POLG: variants seen among roughly 807,000 people sequenced by gnomAD.
POLG encodes the protein DNA polymerase subunit gamma-1.
Under a neutral mutation model 155.4 loss-of-function variants are expected in POLG, and 110 were observed. That is an observed-to-expected ratio of 0.71 (90% CI 0.61 to 0.83). The LOEUF is 0.83. POLG is among the 40% of genes least tolerant of loss of function. The pLI is 0.00. For missense variants in POLG, 1,685 were observed against 1,627.5 expected (o/e 1.04, Z -0.61); for synonymous variants, 701 against 631.5 (o/e 1.11, Z -1.65).
rs1042766729 is a variant in POLG, at chr15:89,323,920, C to G, written c.2071-19G>C. 5.0e-6 allele frequency: 8 copies of G among 1,601,366 alleles called. No homozygotes were observed. The highest frequency in any genetic ancestry group is 5.1e-6 in the Non-Finnish European group (6 of 1,168,302). On this transcript the variant is annotated intron_variant, in intron 11 of 22. Transcript: ENST00000268124. ...CTTCTACCTGGAGCAGTCCAAGGAC[C>G]AAAGTAGTGAAGCAGGGGACTGGGT...
At chr15:89,317,944 A>T (rs1356705236) in intron 21 of POLG, 1 of 324,172 alleles carries the variant, frequency 3.1e-6, no homozygotes, top group East Asian at 8.5e-5. Flanking sequence ...TTTACCCAAT[A>T]ATCAGGATAG....
rs953223366 is a variant in POLG at position 89,319,430 on chromosome 15, A to G, written c.2982-80T>C. On this transcript the variant is annotated intron_variant, in intron 18 of 22. Transcript: ENST00000268124. ...GTGCCTTGGCAAGGAATGTTCACAT[A>G]TCACTTCAACTTTTAAAAACACTGA... 3.8e-6 allele frequency: 6 copies of G among 1,579,326 alleles called. No homozygotes were observed. In the African/African-American group the frequency reaches 6.7e-5, roughly 18 times the overall value.
rs749944293 is a variant in POLG, at chr15:89,318,613, A to G, written c.3410T>C (p.Val1137Ala). The G allele has an allele frequency of 6.2e-7, 1 of 1,614,178 alleles. No individual in the cohort carries two copies. The highest frequency in any genetic ancestry group is 8.5e-7 in the Non-Finnish European group (1 of 1,180,020). Residue 1137 changes from valine to alanine, a missense_variant, in exon 21 of 23, where the codon GTT becomes GCT. Around this residue, in one of 3 missense-constraint regions of POLG, gnomAD observed 470 missense variants for 439.9 expected, o/e 1.07. Coordinates refer to ENST00000268124, the MANE Select transcript of POLG (RefSeq NM_002693.3). ...GRFCISIHDE[V>A]RYLVREEDRY... ...GTCCTCCTCCCGCACCAGGTAGCGA[A>G]CCTCGTCATGGATGCTGATGCAGAA...
chr15:89,319,738 T>C (rs943566566), intron 18 of POLG, among the ~76,000 whole-genome samples: 1 of 152,156 alleles, frequency 6.6e-6, no homozygotes, highest in Non-Finnish European at 1.5e-5. Flanking sequence ...TTTGGGGGGA[T>C]AGGGGTAAGA....
At chr15:89,327,451 G>A in intron 6 of POLG, 102 bp from the exon 7 acceptor site, 2 of 1,048,084 alleles carry the variant, frequency 1.9e-6, no homozygotes, top group Non-Finnish European at 2.9e-6. Flanking sequence ...CACTGACATG[G>A]CACAGCTCAA....
At position 89,322,788 on chromosome 15, in the gene POLG, T is replaced by C. The variant is rs1207679195; in HGVS notation, c.2380A>G (p.Ile794Val). The C allele has an allele frequency of 1.2e-6, 2 of 1,614,058 alleles. No homozygotes were observed. Among genetic ancestry groups the C allele is most frequent in the Non-Finnish European group, 1.7e-6 (2 of 1,180,040 alleles). Residue 794 changes from isoleucine (I) to valine (V), a missense_variant, in exon 14 of 23, where the codon ATC becomes GTC. Transcript: ENST00000268124. ...GGASGPRALE[I>V]NKMISFWRNA... is the part of the protein sequence containing the mutation. ...CTCCAGAAAGAAATCATTTTGTTGA[T>C]TTCCAGAGCACGGGGCCCACTGGCA... is the stretch of plus-strand genomic sequence containing the variant.
rs775769107 is a variant in POLG, at chr15:89,325,667, G to A, written c.1732C>T (p.Pro578Ser). 4 of 1,608,926 alleles carry A rather than the reference G, an allele frequency of 2.5e-6. No homozygotes were observed. The highest frequency in any genetic ancestry group is 8.5e-7 in the Non-Finnish European group (1 of 1,179,710). Reference protein sequence around the residue: ...GHPGWYRKLCPRLDDPAWTPG... With the variant: ...GHPGWYRKLCSRLDDPAWTPG... ...GTCCATGCAGGGTCGTCTAGCCGGG[G>A]GCAGAGCTTCCGGTACCATCTACGT... The change falls in exon 10 of 23, where the codon CCC becomes TCC. Residue 578 changes from proline (P) to serine (S), a missense_variant. Around this residue, in one of 3 missense-constraint regions of POLG, gnomAD observed 1,210 missense variants for 1,167.1 expected, o/e 1.04. Transcript: ENST00000268124.
intron 13 of POLG, among the ~76,000 whole-genome samples, chr15:89,323,161 T>C (rs2055422840): frequency 6.6e-6 from 1 of 152,220 alleles, no homozygotes; most frequent in African/African-American, 2.4e-5. Context: ...ACGTACCAGA[T>C]GTCGTACCAA....
At chr15:89,325,781 A>C in intron 9 of POLG, 95 bp from the exon 10 acceptor site, 1 of 1,012,792 alleles carries the variant, frequency 9.9e-7, no homozygotes, top group Non-Finnish European at 1.5e-6. Context: ...CCACCCTCCA[A>C]AGCCCTGGGG....
rs2055649986 is a variant in POLG at position 89,334,762 on chromosome 15, G to A, written c.-249C>T. 1 of 152,362 alleles carries A rather than the reference G, an allele frequency of 6.6e-6. No homozygotes were observed. Among genetic ancestry groups the A allele is most frequent in the Non-Finnish European group, 1.5e-5 (1 of 68,132 alleles). 9.4% of individuals were successfully genotyped at this position (152,362 alleles called of 1,614,324 possible). A position where few individuals can be genotyped will look rare whatever the true frequency, so the allele number is the denominator to read the frequency against. ...CCCTTCGCGCGGCCTACGCAGCCTC[G>A]GGGTAGCGTGTGGCCTCCACCCGGC... On this transcript the variant is annotated 5_prime_UTR_variant, in exon 1 of 23. Coordinates refer to ENST00000268124, the MANE Select transcript of POLG (RefSeq NM_002693.3).
In POLG at chr15:89,318,598, C is replaced by G. The variant is rs536732038; in HGVS notation, c.3425G>C (p.Arg1142Pro). ...SIHDEVRYLV[R>P]EEDRYRAALA... ...GGCAGCGCGGTAGCGGTCCTCCTCCCGCACCAGGTAGCGAACCTCGTCATG... is the reference window on the plus strand; with the variant it reads ...GGCAGCGCGGTAGCGGTCCTCCTCCGGCACCAGGTAGCGAACCTCGTCATG... The change falls in exon 21 of 23, where the codon CGG becomes CCG. Residue 1142 changes from arginine to proline, a missense_variant. This residue lies in a region of POLG where 470 missense variants were observed against 439.9 expected (regional missense o/e 1.07). Transcript: ENST00000268124. The G allele has an allele frequency of 1.9e-6, 3 of 1,614,156 alleles. No homozygotes were observed. The highest frequency in any genetic ancestry group is 2.5e-6 in the Non-Finnish European group (3 of 1,180,034).
chr15:89,318,928 T>TA lies in POLG; in HGVS notation c.3273+2dup. 6.2e-7 allele frequency: 1 copy of TA among 1,614,084 alleles called. No homozygotes were observed. The highest frequency in any genetic ancestry group is 8.5e-7 in the Non-Finnish European group (1 of 1,179,990). ...TGCCCATGCTCCAAAGGTAGCAAGATACCTCTTCCTGGACAGCCGAGGGCT... is the reference window on the plus strand; with the variant it reads ...TGCCCATGCTCCAAAGGTAGCAAGATAACCTCTTCCTGGACAGCCGAGGGCT... On this transcript the variant is annotated splice_region_variant and intron_variant, in intron 20 of 22. Coordinates refer to ENST00000268124, the MANE Select transcript of POLG (RefSeq NM_002693.3).
At chr15:89,326,780 C>A (rs192111241) in intron 8 of POLG, 42 bp from the exon 9 acceptor site, 4 of 1,613,614 alleles carry the variant, frequency 2.5e-6, no homozygotes, top group Admixed American at 3.3e-5. Flanking sequence ...GGAGAAGGAA[C>A]TCTCAATAAG....
In POLG at chr15:89,318,528, G is replaced by T. The variant is rs2055340728; in HGVS notation, c.3482+13C>A. 2.5e-6 allele frequency: 4 copies of T among 1,610,792 alleles called. No homozygotes were observed. Among genetic ancestry groups the T allele is most frequent in the Non-Finnish European group, 3.4e-6 (4 of 1,178,388 alleles). ...AGCACATGGCCAGGCTAGAGGCCATGGGCCCCGCATACCTGGTCAAGAGGT... is the reference window on the plus strand; with the variant it reads ...AGCACATGGCCAGGCTAGAGGCCATTGGCCCCGCATACCTGGTCAAGAGGT... On this transcript the variant is annotated intron_variant, in intron 21 of 22. Transcript: ENST00000268124.
chr15:89,317,295 C>G, intron 22 of POLG, 81 bp downstream of exon 22: 3 of 1,459,216 alleles, frequency 2.1e-6, no homozygotes, highest in South Asian at 2.3e-5. Flanking sequence ...TCTGGGGCCC[C>G]AAGTTTCCTG....
intron 10 of POLG, among the ~76,000 whole-genome samples, chr15:89,325,113 AGTGAGTGAGTGAGT>A (rs2055471065): frequency 2.4e-4 from 12 of 49,756 alleles, no homozygotes; most frequent in African/African-American, 1.2e-3. Flanking sequence ...AGTGAGAGAG[AGTGAGTGAGTGAGT>A]GAGAGAGTGA....
chr15:89,316,444 GA>G lies in POLG; in HGVS notation c.*306del. Reference sequence around the variant, plus strand: ...GACAGAACAAAGAACCAGCCAAGAAGAAAAGGAAAAAATAAATGAAATGCCT... The same window carrying G: ...GACAGAACAAAGAACCAGCCAAGAAGAAAGGAAAAAATAAATGAAATGCCT... On this transcript the variant is annotated 3_prime_UTR_variant, in exon 23 of 23. Coordinates refer to ENST00000268124, the MANE Select transcript of POLG (RefSeq NM_002693.3). 1 of 1,611,046 alleles carries G rather than the reference GA, an allele frequency of 6.2e-7. No homozygotes were observed. The highest frequency in any genetic ancestry group is 8.5e-7 in the Non-Finnish European group (1 of 1,178,170).
rs121918044 is a variant in POLG, at chr15:89,329,055, A to C, written c.911T>G (p.Leu304Arg). 2.4e-5 allele frequency: 38 copies of C among 1,613,046 alleles called. No individual in the cohort carries two copies. In the South Asian group the frequency reaches 2.4e-4, roughly 10 times the overall value. Residue 304 changes from leucine (L) to arginine (R), a missense_variant, in exon 4 of 23, where the codon CTA becomes CGA. By Grantham distance (102) the Leu-to-Arg change is moderately radical. This residue lies in a region of POLG where 1,210 missense variants were observed against 1,167.1 expected (regional missense o/e 1.04). Coordinates refer to ENST00000268124, the MANE Select transcript of POLG (RefSeq NM_002693.3). Reference sequence around the variant, plus strand: ...CCACAGACTGCGCTGGAAGCTGCTTAGCCCTGAGATGGCCATGTGCATGCT... The same window carrying C: ...CCACAGACTGCGCTGGAAGCTGCTTCGCCCTGAGATGGCCATGTGCATGCT... Reference protein sequence around the residue: ...TMSMHMAISGLSSFQRSLWIA... With the variant: ...TMSMHMAISGRSSFQRSLWIA...
Position 89,325,175 on chromosome 15 carries a change from TGAGA to T in POLG, c.1949+271_1949+274del, listed in dbSNP as rs774147026. On this transcript the variant is annotated intron_variant, in intron 10 of 22. Transcript: ENST00000268124. ...GTGAGTGAGTGAGTGAGTGAGAGAG[TGAGA>T]GAGTGAGTGAGTGAGAGAGTGAGTG... Among the ~76,000 whole-genome samples the T allele has an allele frequency of 5.6e-3, 275 of 49,360 alleles. 46 individuals are homozygous for T. Among genetic ancestry groups the T allele is most frequent in the African/African-American group, 9.5e-3 (99 of 10,458 alleles). 32.4% of individuals were successfully genotyped at this position (49,360 alleles called of 152,430 possible). A position where few individuals can be genotyped will look rare whatever the true frequency, so the allele number is the denominator to read the frequency against.
Sources: gnomAD v4.1 joint callset for allele counts (sites outside exome capture counted in the v4.1 genomes callset) on GRCh38, gnomAD v4.1.1 for gene constraint, gnomAD v4.1.1 regional missense constraint, MANE v1.5 for transcripts, NCBI Gene and HGNC (gene_info 2026-07-23, HGNC 2026-07-21) for gene names.